The following SLC35E4 variants were observed in gnomAD, a reference collection of about 807,000 sequenced individuals.
SLC35E4 encodes solute carrier family 35, member E4.
In SLC35E4, 15 loss-of-function variants were observed where a neutral mutation model predicts 19.3. The ratio of observed to expected loss-of-function variants is 0.78; its 90% confidence interval spans 0.52 to 1.20. The LOEUF (loss-of-function observed/expected upper bound fraction) is 1.20. SLC35E4 is among the 50% of genes most tolerant of loss of function. SLC35E4 has a pLI of 0.00. For missense variants in SLC35E4, 406 were observed against 472.3 expected, an observed-to-expected ratio of 0.86 and a Z score of 1.30; for synonymous variants, 219 against 219.9, an observed-to-expected ratio of 1.00 and a Z score of 0.04.
downstream of SLC35E4, chr22:30,667,533 T>C (rs1463543589): frequency 1.3e-5 from 2 of 152,248 alleles, no homozygotes; most frequent in African/African-American, 4.8e-5. Flanking sequence ...GCAAGGTTCT[T>C]CGGGAGAGAG....
intron 1 of SLC35E4, among the ~76,000 whole-genome samples, chr22:30,639,234 A>G (rs1430207533): frequency 6.6e-6 from 1 of 152,120 alleles, no homozygotes; most frequent in Non-Finnish European, 1.5e-5. Context: ...GAGCCATAAA[A>G]CCAGCAAGTT....
chr22:30,667,104 ATGAAGTATT>A (rs1284407704), downstream of SLC35E4: 2 of 152,200 alleles, frequency 1.3e-5, no homozygotes, highest in Non-Finnish European at 2.9e-5. Flanking sequence ...TTTACAGCCT[ATGAAGTATT>A]TGGCTTCCCT....
chr22:30,651,197 ATTTCT>A (rs1176060613), downstream of SLC35E4, among the ~76,000 whole-genome samples: 4 of 150,410 alleles, frequency 2.7e-5, no homozygotes, highest in Admixed American at 6.6e-5. Flanking sequence ...ATGATCTTTT[ATTTCT>A]TTTCTTTTCT....
intron 1 of SLC35E4, 108 bp downstream of exon 1, chr22:30,637,177 T>G: frequency 6.9e-7 from 1 of 1,450,532 alleles, no homozygotes; most frequent in Non-Finnish European, 9.1e-7. Flanking sequence ...ATGAGGAAAC[T>G]GAGGTTCATG....
intron 2 of SLC35E4, among the ~76,000 whole-genome samples, chr22:30,658,412 G>C (rs1030698825): frequency 6.6e-6 from 1 of 151,574 alleles, no homozygotes; most frequent in Non-Finnish European, 1.5e-5. Flanking sequence ...GGTAGCAGCA[G>C]TAACAGTGGT....
intron 2 of SLC35E4, chr22:30,654,023 A>T (rs1760063516): frequency 6.7e-6 from 1 of 148,788 alleles, no homozygotes; most frequent in African/African-American, 2.6e-5. Flanking sequence ...TCTGTCGCCC[A>T]GGCTGGAGTG....
chr22:30,644,941 A>C (rs1483921117), intron 1 of SLC35E4, among the ~76,000 whole-genome samples: 1 of 151,888 alleles, frequency 6.6e-6, no homozygotes, highest in Non-Finnish European at 1.5e-5. Flanking sequence ...GTTTCCTCTT[A>C]GTCCTGGATT....
At chr22:30,665,165 A>G (rs5749150), downstream of SLC35E4, 125,956 of 168,332 alleles carry the variant, frequency 0.75, 49,457 homozygotes, top group South Asian at 0.87. Flanking sequence ...TGAAATAGGG[A>G]CATTTGGATT....
exon 3 of SLC35E4, chr22:30,668,969 C>A (rs928664401): frequency 3.9e-5 from 6 of 152,080 alleles, no homozygotes; most frequent in African/African-American, 1.4e-4. Flanking sequence ...GAGTTTTATG[C>A]GTCTTTAAAT....
chr22:30,637,102 G>A (rs1160386043), intron 1 of SLC35E4, 33 bp downstream of exon 1: 10 of 1,535,116 alleles, frequency 6.5e-6, no homozygotes, highest in Non-Finnish European at 7.9e-6. Flanking sequence ...GAGAAGGTGG[G>A]GGTCCGGGTG....
At chr22:30,665,628 C>A, downstream of SLC35E4, 2 of 453,392 alleles carry the variant, frequency 4.4e-6, no homozygotes, top group South Asian at 1.6e-5. Flanking sequence ...CTGCTCCAGG[C>A]TTTCTTAGCC....
At chr22:30,663,326 C>T, downstream of SLC35E4, 1 of 1,088,286 alleles carries the variant, frequency 9.2e-7, no homozygotes, top group Non-Finnish European at 1.3e-6. Flanking sequence ...TAAAAGGCAT[C>T]ATCTGTTTTT....
chr22:30,636,682 C>T lies in SLC35E4; in HGVS notation c.232C>T (p.Arg78Trp). Residue 78 changes from arginine (R) to tryptophan (W), a missense_variant, in exon 1 of 2, where the codon CGG (arginine) becomes TGG (tryptophan). Transcript: ENST00000343605. ...GATCTTCACAGTGCACGGCTTTGGG[C>T]GGCCCCTGCTGCTGTCGGCCCTGCA... ...KWIFTVHGFG[R>W]PLLLSALHML... 6.2e-7 allele frequency: 1 copy of T among 1,611,848 alleles called. No homozygotes were observed. The highest frequency in any genetic ancestry group is 1.3e-5 in the African/African-American group (1 of 75,010).
chr22:30,657,507 C>T (rs371160943), intron 2 of SLC35E4, among the ~76,000 whole-genome samples: 42 of 150,942 alleles, frequency 2.8e-4, no homozygotes, highest in African/African-American at 9.7e-4. Flanking sequence ...GCCTATAATC[C>T]CAGCACTTTG....
At chr22:30,663,440 C>G, downstream of SLC35E4, 1 of 1,607,552 alleles carries the variant, frequency 6.2e-7, no homozygotes, top group Non-Finnish European at 8.5e-7. Flanking sequence ...GGATGGCTCA[C>G]AGTGGAATCA....
At chr22:30,649,578 G>A (rs2088179864), downstream of SLC35E4, among the ~76,000 whole-genome samples, 1 of 133,536 alleles carries the variant, frequency 7.5e-6, no homozygotes, top group South Asian at 2.3e-4. Flanking sequence ...AGAAGGGGAA[G>A]TCGGCCTGGG....
chr22:30,652,468 C>T (rs2088240640), downstream of SLC35E4, among the ~76,000 whole-genome samples: 2 of 152,200 alleles, frequency 1.3e-5, no homozygotes, highest in African/African-American at 4.8e-5. Flanking sequence ...GGGAAAGGGC[C>T]ATTATCATCT....
intron 1 of SLC35E4, among the ~76,000 whole-genome samples, chr22:30,641,718 ATTTTTTTTTTTTTT>A (rs56070783): frequency 1.8e-5 from 2 of 108,948 alleles, no homozygotes; most frequent in Admixed American, 1.0e-4. Context: ...CTAATTTTTA[ATTTTTTTTTTTTTT>A]TTTTTTTTTT....
chr22:30,668,081 G>A, downstream of SLC35E4: 1 of 163,542 alleles, frequency 6.1e-6, no homozygotes. Context: ...ACTCCCAACC[G>A]GCCTCCAGTT....
Sources: allele counts gnomAD v4.1 joint callset (sites outside exome capture counted in the v4.1 genomes callset), GRCh38; gene constraint gnomAD v4.1.1; transcripts MANE v1.5; gene names NCBI Gene and HGNC (gene_info 2026-07-23, HGNC 2026-07-21).